Variants in EXOC4 observed in about 807,000 individuals in gnomAD.
EXOC4 encodes the protein exocyst complex component 4, also known as SEC8-like 1.
In EXOC4, 71 loss-of-function variants were observed where a neutral mutation model predicts 107.2. That is an observed-to-expected ratio of 0.66 (90% CI 0.55 to 0.81). The LOEUF is 0.81. Ranked by LOEUF, EXOC4 falls within the 30% of genes least tolerant of loss-of-function variation. The pLI, the probability that EXOC4 is intolerant of heterozygous loss-of-function variation, is 0.00. For synonymous variants in EXOC4, 456 were observed against 441.2 expected, an observed-to-expected ratio of 1.03 and a Z score of -0.42; for missense variants, 1,108 against 1,189.6, an observed-to-expected ratio of 0.93 and a Z score of 1.01.
At chr7:133,777,604 T>C (rs1428114244) in intron 10 of EXOC4, among the ~76,000 whole-genome samples, 1 of 152,142 alleles carries the variant, frequency 6.6e-6, no homozygotes. Flanking sequence ...GGAATTGTAG[T>C]AGAAAGTGGA....
intron 7 of EXOC4, among the ~76,000 whole-genome samples, chr7:133,446,125 G>A (rs1584923860): frequency 1.3e-5 from 2 of 151,360 alleles, no homozygotes; most frequent in African/African-American, 4.9e-5. Flanking sequence ...CCTCTTTCTT[G>A]TGACTGTTTC....
intron 17 of EXOC4, among the ~76,000 whole-genome samples, chr7:134,042,044 A>C (rs938944748): frequency 2.0e-5 from 3 of 151,516 alleles, no homozygotes; most frequent in African/African-American, 7.2e-5. Context: ...TTTGTGGGGA[A>C]GTCTATCTAG....
chr7:133,757,686 A>G (rs1402252166), intron 10 of EXOC4, among the ~76,000 whole-genome samples: 3 of 152,226 alleles, frequency 2.0e-5, no homozygotes, highest in Non-Finnish European at 4.4e-5. Context: ...GTATATCTGG[A>G]TTCACCTAAA....
downstream of EXOC4, among the ~76,000 whole-genome samples, chr7:134,068,081 G>C (rs1796210898): frequency 6.6e-6 from 1 of 152,124 alleles, no homozygotes; most frequent in African/African-American, 2.4e-5. Flanking sequence ...CAAGTTTAGT[G>C]GTAAGACCAG....
At chr7:133,757,023 G>A (rs2151145998) in intron 10 of EXOC4, among the ~76,000 whole-genome samples, 1 of 152,260 alleles carries the variant, frequency 6.6e-6, no homozygotes, top group Admixed American at 6.5e-5. Context: ...GATTGAATAT[G>A]TTTCCTAGCT....
downstream of EXOC4, among the ~76,000 whole-genome samples, chr7:134,070,574 GGT>G (rs1434449901): frequency 3.9e-5 from 6 of 152,272 alleles, no homozygotes; most frequent in East Asian, 9.7e-4. Context: ...AATGGAGGTA[GGT>G]GTGAGTGTGA....
At chr7:133,856,904 T>G (rs924153452) in intron 11 of EXOC4, among the ~76,000 whole-genome samples, 5 of 150,834 alleles carry the variant, frequency 3.3e-5, no homozygotes, top group Non-Finnish European at 5.9e-5. Context: ...ATCGAGACCA[T>G]CCTGGCTAAC....
At chr7:133,261,263 GT>G (rs767325700) in intron 1 of EXOC4, among the ~76,000 whole-genome samples, 181 of 139,578 alleles carry the variant, frequency 1.3e-3, no homozygotes, top group Admixed American at 2.0e-3. Flanking sequence ...ATGCCTTGTA[GT>G]TTTTTTTTTT....
chr7:133,470,520 GA>G (rs554631615), intron 7 of EXOC4, among the ~76,000 whole-genome samples: 51 of 152,078 alleles, frequency 3.4e-4, no homozygotes, highest in Admixed American at 6.6e-4. Context: ...TAGGTCCTCA[GA>G]AAAAAACAGT....
At chr7:133,406,659 A>T (rs1797227778) in intron 7 of EXOC4, among the ~76,000 whole-genome samples, 1 of 152,266 alleles carries the variant, frequency 6.6e-6, no homozygotes. Context: ...TATTGGAATT[A>T]CAGCACATAA....
In EXOC4 at chr7:133,649,467, C is replaced by CTTTTTT. The variant is rs61225754; in HGVS notation, c.1514+19339_1514+19344dup. ...TGTGTGTGAAGCATTACTACTTTTTCTTTTTTTTTTTTTTTTTTAACCAGT... is the reference window on the plus strand; with the variant it reads ...TGTGTGTGAAGCATTACTACTTTTTCTTTTTTTTTTTTTTTTTTTTTTTTAACCAGT... On this transcript the variant is annotated intron_variant, in intron 10 of 17. Coordinates refer to ENST00000253861, the MANE Select transcript of EXOC4 (RefSeq NM_021807.4). 3.5e-5 allele frequency among the ~76,000 whole-genome samples: 3 copies of CTTTTTT among 85,378 alleles called. 1 individual carries two copies. Among genetic ancestry groups the CTTTTTT allele is most frequent in the African/African-American group, 7.9e-5 (2 of 25,282 alleles). 56.0% of individuals were successfully genotyped at this position (85,378 alleles called of 152,430 possible).
At chr7:133,595,969 G>C (rs1306364780) in intron 9 of EXOC4, among the ~76,000 whole-genome samples, 1 of 152,062 alleles carries the variant, frequency 6.6e-6, no homozygotes, top group Non-Finnish European at 1.5e-5. Context: ...CTTTGTCCTG[G>C]CTAAGTGTAG....
intron 10 of EXOC4, among the ~76,000 whole-genome samples, chr7:133,774,783 A>T (rs1796311927): frequency 1.3e-5 from 2 of 152,122 alleles, no homozygotes; most frequent in South Asian, 4.1e-4. Context: ...TATGAAGCTC[A>T]TCTCTGGAGT....
At chr7:133,818,799 C>T (rs1157482093) in intron 11 of EXOC4, among the ~76,000 whole-genome samples, 1 of 152,096 alleles carries the variant, frequency 6.6e-6, no homozygotes, top group Admixed American at 6.5e-5. Flanking sequence ...CTAATTAGGT[C>T]CCCTTTCCTG....
At chr7:133,787,963 T>TTTTATATATATATATATA (rs1203837455) in intron 10 of EXOC4, among the ~76,000 whole-genome samples, 1 of 40,980 alleles carries the variant, frequency 2.4e-5, no homozygotes, top group Admixed American at 3.9e-4. Flanking sequence ...ATTTATATAT[T>TTTTATATATATATATATA]TATATATATA....
chr7:134,034,177 G>A (rs577743052), intron 17 of EXOC4, among the ~76,000 whole-genome samples: 1 of 152,164 alleles, frequency 6.6e-6, no homozygotes, highest in Non-Finnish European at 1.5e-5. Context: ...CTGTTCTGGA[G>A]AAAGTTCTCT....
intron 9 of EXOC4, among the ~76,000 whole-genome samples, chr7:133,519,570 C>A (rs2150908655): frequency 6.6e-6 from 1 of 152,176 alleles, no homozygotes; most frequent in African/African-American, 2.4e-5. Context: ...GTATGTACTG[C>A]CTTTCAAACC....
At chr7:133,620,594 G>A (rs747938983) in intron 9 of EXOC4, among the ~76,000 whole-genome samples, 7 of 152,134 alleles carry the variant, frequency 4.6e-5, no homozygotes, top group African/African-American at 9.7e-5. Flanking sequence ...TAAATGTGGT[G>A]TATACATCCA....
At chr7:133,642,685 T>C (rs1802887604) in intron 10 of EXOC4, among the ~76,000 whole-genome samples, 1 of 152,170 alleles carries the variant, frequency 6.6e-6, no homozygotes, top group Non-Finnish European at 1.5e-5. Context: ...AGTGATCATG[T>C]CACTCCCCTC....
Sources: gnomAD v4.1 joint callset for allele counts (sites outside exome capture counted in the v4.1 genomes callset) on GRCh38, gnomAD v4.1.1 for gene constraint, MANE v1.5 for transcripts, NCBI Gene and HGNC (gene_info 2026-07-23, HGNC 2026-07-21) for gene names.